The following FAM200B variants were observed in gnomAD, a reference collection of about 807,000 sequenced individuals.
FAM200B encodes zinc finger BED-type containing 11.
Under a neutral mutation model 33.1 loss-of-function variants are expected in FAM200B, and 32 were observed. The observed-to-expected ratio is 0.97, with a 90% CI of 0.73 to 1.30. FAM200B has a LOEUF of 1.30. Among genes scored for constraint, FAM200B ranks in the 50% most tolerant of loss-of-function variants. The probability of loss-of-function intolerance (pLI) is 0.00; values close to 1 mark genes in which losing one functional copy is unlikely to be tolerated. For missense variants in FAM200B, 741 were observed against 754.0 expected (o/e 0.98, Z 0.20); for synonymous variants, 240 against 264.8 (o/e 0.91, Z 0.91).
chr4:15,688,306 T>A lies in FAM200B; in HGVS notation c.1329T>A (p.Ser443Arg). The stretch of plus-strand genomic sequence containing the variant: ...TTTTTAGCATTCTTAATGAACTGAG[T>A]TTAAAACTACAGGGGAAAAACAGTG... Reference protein sequence around the residue: ...TDIFSILNELSLKLQGKNSDV... With the variant: ...TDIFSILNELRLKLQGKNSDV... Residue 443 changes from serine to arginine, a missense_variant, in exon 2 of 2, where the codon AGT becomes AGA. By Grantham distance (110) the Ser-to-Arg change is moderately radical (BLOSUM62 -1). Coordinates refer to ENST00000422728, the MANE Select transcript of FAM200B (RefSeq NM_001145191.2). The A allele has an allele frequency of 6.5e-7, 1 of 1,550,000 alleles. No individual in the cohort carries two copies. Among genetic ancestry groups the A allele is most frequent in the Non-Finnish European group, 8.7e-7 (1 of 1,145,604 alleles).
At chr4:15,672,488 C>G in the FAM200B span, among the ~76,000 whole-genome samples, 2 of 152,220 alleles carry the variant, frequency 1.3e-5, no homozygotes, top group Non-Finnish European at 2.9e-5. Context: ...CAAACCTGTA[C>G]AGCATTCAGT....
chr4:15,664,164 T>C, the FAM200B span, among the ~76,000 whole-genome samples: 1 of 152,192 alleles, frequency 6.6e-6, no homozygotes, highest in Non-Finnish European at 1.5e-5. Flanking sequence ...CTTAAAAGCT[T>C]TCATTTTTCC....
chr4:15,661,092 T>G, the FAM200B span, among the ~76,000 whole-genome samples: 1 of 151,728 alleles, frequency 6.6e-6, no homozygotes, highest in Non-Finnish European at 1.5e-5. Flanking sequence ...AAAAAAAAAG[T>G]TAGGTAACCT....
chr4:15,639,048 C>T, the FAM200B span, among the ~76,000 whole-genome samples: 1 of 152,184 alleles, frequency 6.6e-6, no homozygotes, highest in South Asian at 2.1e-4. Context: ...CCTATAATCC[C>T]AGCTACTCGA....
rs1260013085 is a variant in FAM200B, at chr4:15,687,950, C to T, written c.973C>T (p.His325Tyr). ...TACTAATAATGGTGCTGTGTGGAAT[C>T]ATTGTTTTATACATCGTGAAGGTTT... ...EVTNNGAVWN[H>Y]CFIHREGLAS... The change falls in exon 2 of 2, where the codon CAT becomes TAT. Residue 325 changes from histidine (H) to tyrosine (Y), a missense_variant. Physicochemically the swap from His to Tyr is moderately conservative, Grantham distance 83 (BLOSUM62 2). Transcript: ENST00000422728. 5 of 1,550,982 alleles carry T rather than the reference C, an allele frequency of 3.2e-6. No individual in the cohort carries two copies. In the Admixed American group the frequency reaches 7.8e-5, roughly 24 times the overall value.
the FAM200B span, among the ~76,000 whole-genome samples, chr4:15,655,998 G>A: frequency 6.6e-6 from 1 of 152,242 alleles, no homozygotes; most frequent in East Asian, 1.9e-4. Flanking sequence ...GGCAGAGACC[G>A]CGAGAGAGAG....
At chr4:15,651,472 C>G in the FAM200B span, among the ~76,000 whole-genome samples, 2 of 152,126 alleles carry the variant, frequency 1.3e-5, no homozygotes, top group Non-Finnish European at 2.9e-5. Flanking sequence ...GTAGTAAGAA[C>G]TCATTAAATT....
At chr4:15,639,246 T>G in the FAM200B span, among the ~76,000 whole-genome samples, 180 of 152,330 alleles carry the variant, frequency 1.2e-3, 1 homozygote, top group African/African-American at 4.0e-3. Context: ...TTTTAAAGCA[T>G]AAGGACCAGA....
At chr4:15,681,632 G>A (rs1718281925), upstream of FAM200B, 1 of 152,544 alleles carries the variant, frequency 6.6e-6, no homozygotes, top group African/African-American at 2.4e-5. Context: ...CCCGCGAGAG[G>A]CGGAAATCCC....
At chr4:15,655,542 C>T in the FAM200B span, 7 of 221,106 alleles carry the variant, frequency 3.2e-5, no homozygotes, top group Non-Finnish European at 5.3e-5. Context: ...TTTTTGTCGT[C>T]TTCATAAGCC....
At chr4:15,677,053 C>T (rs976654973), upstream of FAM200B, among the ~76,000 whole-genome samples, 2 of 152,126 alleles carry the variant, frequency 1.3e-5, no homozygotes, top group Non-Finnish European at 1.5e-5. Flanking sequence ...AGGTTTATTT[C>T]GGATATACCG....
chr4:15,689,447 T>A lies in FAM200B; in HGVS notation c.*496T>A, dbSNP rs1308281296. 3 of 167,100 alleles carry A rather than the reference T, an allele frequency of 1.8e-5. No individual in the cohort carries two copies. Among genetic ancestry groups the A allele is most frequent in the Admixed American group, 6.5e-5 (1 of 15,276 alleles). The allele number at this position is 167,100 out of a possible 1,614,324, so 10.4% of individuals were successfully genotyped here. ...GTTTTAAAAGACACTCTGGTCACTA[T>A]TTTAAATTCTTAGGGTAAGTCTGAA... is the stretch of plus-strand genomic sequence containing the variant. On this transcript the variant is annotated 3_prime_UTR_variant, in exon 2 of 2. Coordinates refer to ENST00000422728, the MANE Select transcript of FAM200B (RefSeq NM_001145191.2).
chr4:15,638,303 A>G, the FAM200B span, among the ~76,000 whole-genome samples: 3 of 152,348 alleles, frequency 2.0e-5, no homozygotes, highest in Admixed American at 2.0e-4. Context: ...TGTCCCAAGT[A>G]TATGTTAAAT....
At chr4:15,638,155 C>T in the FAM200B span, among the ~76,000 whole-genome samples, 1 of 152,146 alleles carries the variant, frequency 6.6e-6, no homozygotes, top group African/African-American at 2.4e-5. Flanking sequence ...GATGATATCG[C>T]AAAAGTGCTC....
chr4:15,659,809 A>G, the FAM200B span: 4 of 837,760 alleles, frequency 4.8e-6, no homozygotes, highest in African/African-American at 7.3e-5. Context: ...TTATGGGCTG[A>G]CTTGTAGGGA....
At position 15,688,024 on chromosome 4, in the gene FAM200B, A is replaced by G; in HGVS notation, c.1047A>G (p.Ala349=). The G allele has an allele frequency of 6.4e-7, 1 of 1,551,022 alleles. No individual in the cohort carries two copies. Among genetic ancestry groups the G allele is most frequent in the Non-Finnish European group, 8.7e-7 (1 of 1,146,526 alleles). ...PQNLMEVLKN[A]VKVVNFIKGS... is the part of the protein sequence containing the mutation. ...ATCTCATGGAGGTATTGAAAAATGC[A>G]GTGAAAGTTGTTAATTTTATTAAAG... is the stretch of plus-strand genomic sequence containing the variant. Residue 349 remains alanine (A), a synonymous_variant, in exon 2 of 2, where the codon GCA becomes GCG. Coordinates refer to ENST00000422728, the MANE Select transcript of FAM200B (RefSeq NM_001145191.2).
At chr4:15,652,271 A>G in the FAM200B span, among the ~76,000 whole-genome samples, 1 of 152,234 alleles carries the variant, frequency 6.6e-6, no homozygotes, top group Non-Finnish European at 1.5e-5. Flanking sequence ...GTTCCCAAAA[A>G]AGTAAGAAAC....
the FAM200B span, among the ~76,000 whole-genome samples, chr4:15,661,552 T>G: frequency 6.6e-6 from 1 of 152,308 alleles, no homozygotes; most frequent in East Asian, 1.9e-4. Context: ...ATTCTACAAA[T>G]TAACTGGAGA....
At chr4:15,637,285 T>C in the FAM200B span, among the ~76,000 whole-genome samples, 10 of 152,344 alleles carry the variant, frequency 6.6e-5, no homozygotes, top group East Asian at 1.4e-3. Context: ...TTCTTTCACA[T>C]TGATAATGAA....
Sources: allele counts gnomAD v4.1 joint callset (sites outside exome capture counted in the v4.1 genomes callset), GRCh38; gene constraint gnomAD v4.1.1; transcripts MANE v1.5; gene names NCBI Gene and HGNC (gene_info 2026-07-23, HGNC 2026-07-21).